AKAP19: variants seen among roughly 807,000 people sequenced by gnomAD.
AKAP19 encodes A-kinase anchoring protein 19, also known as small A-kinase anchoring protein.
the AKAP19 span, among the ~76,000 whole-genome samples, chr2:189,906,805 TA>T: frequency 6.6e-6 from 1 of 151,812 alleles, no homozygotes. Context: ...TTTACAAGCA[TA>T]AAAAAAACCA....
chr2:189,986,898 T>C, the AKAP19 span, among the ~76,000 whole-genome samples: 1 of 152,122 alleles, frequency 6.6e-6, no homozygotes, highest in African/African-American at 2.4e-5. Flanking sequence ...AAACCTGTTG[T>C]TTCAGATGGC....
chr2:190,102,924 C>T, the AKAP19 span, among the ~76,000 whole-genome samples: 1 of 152,108 alleles, frequency 6.6e-6, no homozygotes, highest in Non-Finnish European at 1.5e-5. Context: ...CCCTGATGAA[C>T]ATAGATACAG....
the AKAP19 span, among the ~76,000 whole-genome samples, chr2:190,126,446 G>A: frequency 6.6e-6 from 1 of 151,134 alleles, no homozygotes; most frequent in East Asian, 1.9e-4. Context: ...CAATATCCTT[G>A]AGAAGAAAAA....
chr2:190,104,940 C>A, the AKAP19 span, among the ~76,000 whole-genome samples: 9 of 152,114 alleles, frequency 5.9e-5, 1 homozygote, highest in South Asian at 1.7e-3. Context: ...CAATGAGATA[C>A]CATTTCATGC....
chr2:190,200,789 AAC>A, the AKAP19 span: 1 of 167,578 alleles, frequency 6.0e-6, no homozygotes, highest in South Asian at 2.1e-4. Flanking sequence ...TCTTAGAGAT[AAC>A]AGTTTATAGA....
the AKAP19 span, among the ~76,000 whole-genome samples, chr2:190,096,556 C>T: frequency 6.6e-6 from 1 of 152,112 alleles, no homozygotes; most frequent in African/African-American, 2.4e-5. Context: ...GCCTGGAGAG[C>T]ATGGTGCTGG....
the AKAP19 span, among the ~76,000 whole-genome samples, chr2:189,905,625 C>A: frequency 1.3e-5 from 2 of 151,710 alleles, no homozygotes; most frequent in African/African-American, 4.9e-5. Context: ...TGCTTCCTCC[C>A]CAATCTATAG....
the AKAP19 span, among the ~76,000 whole-genome samples, chr2:190,168,116 C>A: frequency 6.6e-6 from 1 of 152,236 alleles, no homozygotes; most frequent in East Asian, 1.9e-4. Flanking sequence ...GAAATCTAGG[C>A]AGAGGTTCTC....
the AKAP19 span, among the ~76,000 whole-genome samples, chr2:190,131,899 T>A: frequency 1.3e-5 from 2 of 152,156 alleles, no homozygotes; most frequent in Non-Finnish European, 2.9e-5. Flanking sequence ...GGTTTTTCTA[T>A]ATCACAGCAG....
At chr2:190,009,828 G>T in the AKAP19 span, among the ~76,000 whole-genome samples, 5 of 151,972 alleles carry the variant, frequency 3.3e-5, no homozygotes, top group Admixed American at 6.5e-5. Context: ...TAAGAGGATG[G>T]GGAGAAGGCA....
At chr2:190,040,359 A>G in the AKAP19 span, among the ~76,000 whole-genome samples, 1 of 151,928 alleles carries the variant, frequency 6.6e-6, no homozygotes, top group African/African-American at 2.4e-5. Flanking sequence ...CCCACTTTTT[A>G]ATGGGGTTGT....
the AKAP19 span, among the ~76,000 whole-genome samples, chr2:190,001,879 C>T: frequency 6.6e-6 from 1 of 152,168 alleles, no homozygotes; most frequent in Non-Finnish European, 1.5e-5. Flanking sequence ...AATGTGATTG[C>T]CCCTACCAGG....
the AKAP19 span, among the ~76,000 whole-genome samples, chr2:189,910,617 C>G: frequency 6.6e-6 from 1 of 151,900 alleles, no homozygotes; most frequent in Admixed American, 6.6e-5. Context: ...TCTCCCCCCA[C>G]CACCATCTCT....
the AKAP19 span, among the ~76,000 whole-genome samples, chr2:190,108,009 A>C: frequency 2.6e-5 from 4 of 152,212 alleles, no homozygotes. Flanking sequence ...TTGCCATGCA[A>C]CTCTTCTGAT....
At chr2:190,060,350 C>T in the AKAP19 span, 1 of 1,612,498 alleles carries the variant, frequency 6.2e-7, no homozygotes, top group Non-Finnish European at 8.5e-7. Context: ...ATAGTTGGGC[C>T]TTTACTACTT....
At chr2:190,106,472 C>T in the AKAP19 span, among the ~76,000 whole-genome samples, 6 of 152,060 alleles carry the variant, frequency 3.9e-5, no homozygotes, top group African/African-American at 1.4e-4. Flanking sequence ...GTCCACTGTT[C>T]GTTTGCCCTA....
At chr2:189,982,806 A>G in the AKAP19 span, among the ~76,000 whole-genome samples, 1 of 151,860 alleles carries the variant, frequency 6.6e-6, no homozygotes, top group Non-Finnish European at 1.5e-5. Context: ...TCTGGGTAGT[A>G]TCTGTGTGAT....
At chr2:190,109,218 G>A in the AKAP19 span, among the ~76,000 whole-genome samples, 89,151 of 152,072 alleles carry the variant, frequency 0.59, 28,011 homozygotes, top group South Asian at 0.85. Context: ...GAAAGAATTT[G>A]TGTTAATGAA....
chr2:189,936,145 T>A, the AKAP19 span, among the ~76,000 whole-genome samples: 1 of 152,018 alleles, frequency 6.6e-6, no homozygotes, highest in South Asian at 2.1e-4. Context: ...TGAAAAAAAA[T>A]TCAACATGTA....
Sources: gnomAD v4.1 joint callset for allele counts (sites outside exome capture counted in the v4.1 genomes callset) on GRCh38, gnomAD v4.1.1 for gene constraint, MANE v1.5 for transcripts, NCBI Gene and HGNC (gene_info 2026-07-23, HGNC 2026-07-21) for gene names.